The following MOB1B variants were observed in gnomAD, a reference collection of about 807,000 sequenced individuals.
MOB1B encodes MOB1 Mps One Binder homolog B.
A neutral mutation model predicts 24.4 loss-of-function variants in MOB1B; 19 were observed. That is an observed-to-expected ratio of 0.78 (90% CI 0.54 to 1.14). The LOEUF (loss-of-function observed/expected upper bound fraction) is 1.14. Ranked by LOEUF, MOB1B falls within the 50% of genes most tolerant of loss-of-function variation. The probability of loss-of-function intolerance (pLI) is 0.00; values close to 1 mark genes in which losing one functional copy is unlikely to be tolerated. For missense variants in MOB1B, 243 were observed against 259.6 expected (o/e 0.94, Z 0.44); for synonymous variants, 76 against 82.1 (o/e 0.93, Z 0.40).
chr4:70,951,165 C>CAACAAA (rs1245525594), intron 1 of MOB1B, among the ~76,000 whole-genome samples: 1 of 151,944 alleles, frequency 6.6e-6, no homozygotes, highest in Non-Finnish European at 1.5e-5. Context: ...AGGGGTAATA[C>CAACAAA]AACAAAAACA....
intron 2 of MOB1B, among the ~76,000 whole-genome samples, chr4:70,962,594 GAA>G (rs571466680): frequency 6.8e-6 from 1 of 146,786 alleles, no homozygotes; most frequent in East Asian, 2.0e-4. Flanking sequence ...AAACTTCTAG[GAA>G]AAAAAAAACA....
intron 1 of MOB1B, 116 bp from the exon 2 acceptor site, chr4:70,958,758 G>A (rs754084603): frequency 3.0e-6 from 3 of 984,314 alleles, no homozygotes; most frequent in Non-Finnish European, 4.8e-6. Context: ...AGTAGTTACA[G>A]CAATTCTATT....
intron 1 of MOB1B, among the ~76,000 whole-genome samples, chr4:70,948,658 T>C (rs1737680791): frequency 6.6e-6 from 1 of 152,226 alleles, no homozygotes; most frequent in Non-Finnish European, 1.5e-5. Context: ...AGTAGTTCTT[T>C]CATGGTGTTG....
chr4:70,941,593 G>A (rs1244507103), intron 1 of MOB1B, among the ~76,000 whole-genome samples: 1 of 151,962 alleles, frequency 6.6e-6, no homozygotes, highest in Non-Finnish European at 1.5e-5. Context: ...CGCCCGTCTC[G>A]GCCTCCCAAA....
intron 1 of MOB1B, among the ~76,000 whole-genome samples, chr4:70,921,019 C>T (rs1736416447): frequency 6.6e-6 from 1 of 152,088 alleles, no homozygotes; most frequent in African/African-American, 2.4e-5. Flanking sequence ...AAAAGCCTTC[C>T]ACTAGGAACT....
At chr4:70,967,858 G>T (rs1015274577) in intron 2 of MOB1B, among the ~76,000 whole-genome samples, 2 of 151,650 alleles carry the variant, frequency 1.3e-5, no homozygotes, top group Non-Finnish European at 2.9e-5. Flanking sequence ...AGGAGGTTTT[G>T]CCCTGTCATC....
intron 2 of MOB1B, among the ~76,000 whole-genome samples, chr4:70,966,937 C>T (rs1351606433): frequency 6.6e-6 from 1 of 151,950 alleles, no homozygotes; most frequent in Non-Finnish European, 1.5e-5. Flanking sequence ...AATCGTATCA[C>T]AACAATACAT....
At chr4:70,926,628 G>T (rs59267952) in intron 1 of MOB1B, among the ~76,000 whole-genome samples, 3,519 of 152,194 alleles carry the variant, frequency 0.023, 114 homozygotes, top group East Asian at 0.15. Flanking sequence ...ATAATAAAAT[G>T]AACATTTATT....
At chr4:70,933,307 G>A (rs1047298160) in intron 1 of MOB1B, among the ~76,000 whole-genome samples, 5 of 152,080 alleles carry the variant, frequency 3.3e-5, no homozygotes, top group Non-Finnish European at 7.3e-5. Flanking sequence ...TGAGATTTGG[G>A]TAGGGACACA....
At chr4:70,965,665 C>T (rs1429087678) in intron 2 of MOB1B, among the ~76,000 whole-genome samples, 3 of 150,824 alleles carry the variant, frequency 2.0e-5, no homozygotes, top group African/African-American at 7.3e-5. Context: ...GGCGTGGTGG[C>T]GGGCGCCTGC....
At chr4:70,953,146 C>T (rs1431341595) in intron 1 of MOB1B, among the ~76,000 whole-genome samples, 2 of 151,842 alleles carry the variant, frequency 1.3e-5, no homozygotes, top group African/African-American at 4.8e-5. Flanking sequence ...ACCATGTTGG[C>T]CAGGCTGTTC....
intron 2 of MOB1B, among the ~76,000 whole-genome samples, chr4:70,961,836 G>A (rs1738316810): frequency 6.6e-6 from 1 of 152,112 alleles, no homozygotes; most frequent in South Asian, 2.1e-4. Flanking sequence ...AGGAGTAAAG[G>A]GAATTATTGA....
At chr4:70,936,150 C>T (rs188139417) in intron 1 of MOB1B, among the ~76,000 whole-genome samples, 7 of 151,876 alleles carry the variant, frequency 4.6e-5, no homozygotes, top group South Asian at 2.1e-4. Context: ...CGCGCCCGGC[C>T]GGTACACTAA....
rs34950388 is a variant in MOB1B, at chr4:70,933,542, C to CTT, written c.15-25306_15-25305dup. ...TATAGGGCTTGTAATAAAAATAACT[C>CTT]TTTTTTTTTTTTTTTTTTTTTTTTT... On this transcript the variant is annotated intron_variant, in intron 1 of 5. Coordinates refer to ENST00000309395, the MANE Select transcript of MOB1B (RefSeq NM_173468.4). 2.8e-3 allele frequency among the ~76,000 whole-genome samples: 255 copies of CTT among 91,644 alleles called. 16 individuals carry two copies. The highest frequency in any genetic ancestry group is 0.013 in the Middle Eastern group (2 of 154). The allele number at this position is 91,644 out of a possible 152,430, so 60.1% of individuals were successfully genotyped here.
chr4:70,944,831 G>C (rs1379291155), intron 1 of MOB1B, among the ~76,000 whole-genome samples: 1 of 152,112 alleles, frequency 6.6e-6, no homozygotes, highest in Non-Finnish European at 1.5e-5. Context: ...CAGATCTCGA[G>C]AACTCATTCA....
chr4:70,958,795 G>A, intron 1 of MOB1B, 79 bp from the exon 2 acceptor site: 3 of 1,247,862 alleles, frequency 2.4e-6, no homozygotes, highest in South Asian at 2.5e-5. Flanking sequence ...ATACAGTTTA[G>A]GTCTAATGCT....
chr4:70,965,897 ATTC>A (rs1238313984), intron 2 of MOB1B, among the ~76,000 whole-genome samples: 8 of 151,790 alleles, frequency 5.3e-5, no homozygotes, highest in Admixed American at 6.6e-5. Flanking sequence ...AAATAACCTA[ATTC>A]TTATAAAAAT....
rs549251905 is a variant in MOB1B at position 70,967,933 on chromosome 4, G to A, written c.182-1998G>A. Among the ~76,000 whole-genome samples the A allele has an allele frequency of 1.1e-4, 17 of 152,216 alleles. No homozygotes were observed. The South Asian group carries it at 2.1e-3, about 19-fold the overall frequency. ...AGCTTTGAACTTTCCTGGCTCAAGC[G>A]ATCCTCCCACCTCAGCCTCCTAGAG... On this transcript the variant is annotated intron_variant, in intron 2 of 5. Transcript: ENST00000309395.
At chr4:70,929,906 T>C (rs28410304) in intron 1 of MOB1B, among the ~76,000 whole-genome samples, 3,084 of 152,160 alleles carry the variant, frequency 0.02, 93 homozygotes, top group African/African-American at 0.069. Flanking sequence ...ATACAGCCAC[T>C]GCGCCCAGCC....
Sources: allele counts gnomAD v4.1 joint callset (sites outside exome capture counted in the v4.1 genomes callset), GRCh38; gene constraint gnomAD v4.1.1; transcripts MANE v1.5; gene names NCBI Gene and HGNC (gene_info 2026-07-23, HGNC 2026-07-21).